The following UBE2E1 variants were observed in gnomAD, a reference collection of about 807,000 sequenced individuals.
UBE2E1 encodes the protein ubiquitin conjugating enzyme E2 E1.
In UBE2E1, 6 loss-of-function variants were observed where a neutral mutation model predicts 21.4. The observed-to-expected ratio is 0.28, with a 90% CI of 0.15 to 0.55. The LOEUF is 0.55. Ranked by LOEUF, UBE2E1 falls within the 20% of genes least tolerant of loss-of-function variation. The probability of loss-of-function intolerance (pLI) is 0.93; values close to 1 mark genes in which losing one functional copy is unlikely to be tolerated. For synonymous variants in UBE2E1, 87 were observed against 82.7 expected (o/e 1.05, Z -0.28); for missense variants, 142 against 236.5 (o/e 0.60, Z 2.62).
intron 4 of UBE2E1, 84 bp from the exon 5 acceptor site, chr3:23,889,028 C>A: frequency 1.4e-6 from 2 of 1,393,304 alleles, no homozygotes; most frequent in Non-Finnish European, 1.9e-6. Context: ...TGCTTTTAGT[C>A]ACCTTCTTAA....
At position 23,889,214 on chromosome 3, in the gene UBE2E1, A is replaced by G; in HGVS notation, c.439A>G (p.Lys147Glu). The change falls in exon 5 of 6, where the codon AAA becomes GAA. Residue 147 changes from lysine (K) to glutamate (E), a missense_variant. Lys to Glu is a moderately conservative substitution (Grantham distance 56). Around this residue, in one of 2 missense-constraint regions of UBE2E1, gnomAD observed 87 missense variants for 184.9 expected, o/e 0.47. Transcript: ENST00000306627. ...TTGGAGTCCAGCACTAACCATTTCTAAAGTCCTCCTTTCTATCTGCTCACT... is the reference window on the plus strand; with the variant it reads ...TTGGAGTCCAGCACTAACCATTTCTGAAGTCCTCCTTTCTATCTGCTCACT... ...DNWSPALTIS[K>E]VLLSICSLLT... 1 of 1,613,772 alleles carries G rather than the reference A, an allele frequency of 6.2e-7. No individual in the cohort carries two copies. The highest frequency in any genetic ancestry group is 8.5e-7 in the Non-Finnish European group (1 of 1,179,950).
In UBE2E1 at chr3:23,816,516, C is replaced by T. The variant is rs547812154; in HGVS notation, c.203+5006C>T. On this transcript the variant is annotated intron_variant, in intron 3 of 5. Coordinates refer to ENST00000306627, the MANE Select transcript of UBE2E1 (RefSeq NM_003341.5). The surrounding 1 kb of genome is among the most constrained non-coding windows in gnomAD (Gnocchi z 4.8). ...GGTCAGGAGATCGACACCATCGTGG[C>T]GAACACAGTGAAACCCCGTCTCTAC... Among the ~76,000 whole-genome samples the T allele has an allele frequency of 2.6e-5, 4 of 151,892 alleles. No individual in the cohort carries two copies. The highest frequency in any genetic ancestry group is 1.9e-4 in the East Asian group (1 of 5,164).
chr3:23,832,717 A>G (rs1198230157), intron 3 of UBE2E1, among the ~76,000 whole-genome samples: 1 of 152,194 alleles, frequency 6.6e-6, no homozygotes, highest in Non-Finnish European at 1.5e-5. Context: ...CCTGGACAAC[A>G]GAGCGAGACT....
At chr3:23,851,993 G>C (rs375203234) in intron 3 of UBE2E1, among the ~76,000 whole-genome samples, 1 of 152,054 alleles carries the variant, frequency 6.6e-6, no homozygotes, top group South Asian at 2.1e-4. Context: ...GTTCATGCAA[G>C]ATCTCATTGT....
rs4538321 is a variant in UBE2E1 at position 23,870,102 on chromosome 3, C to T, written c.204-17465C>T. On this transcript the variant is annotated intron_variant, in intron 3 of 5. Transcript: ENST00000306627. The surrounding 1 kb of genome is among the most constrained non-coding windows in gnomAD (Gnocchi z 4.2). ...GTTTTCCACCTGGGCTGGGAAGGCC[C>T]ACAGCTGAGGGCTGTAACACCTTGG... 0.54 allele frequency among the ~76,000 whole-genome samples: 82,258 copies of T among 151,816 alleles called. 22,550 individuals are homozygous for T. Among genetic ancestry groups the T allele is most frequent in the Middle Eastern group, 0.63 (186 of 294 alleles).
intron 3 of UBE2E1, among the ~76,000 whole-genome samples, chr3:23,869,888 C>G (rs1398622582): frequency 6.6e-6 from 1 of 152,110 alleles, no homozygotes; most frequent in East Asian, 1.9e-4. Context: ...GGGGAGTGTT[C>G]CAGTTATTTA....
At chr3:23,807,742 A>G (rs767058837) in intron 2 of UBE2E1, 2 of 209,182 alleles carry the variant, frequency 9.6e-6, no homozygotes, top group Non-Finnish European at 1.9e-5. Context: ...GACCTTCCCC[A>G]AGGCCATGAT....
At chr3:23,819,210 G>C (rs1338811441) in intron 3 of UBE2E1, among the ~76,000 whole-genome samples, 1 of 152,124 alleles carries the variant, frequency 6.6e-6, no homozygotes, top group Non-Finnish European at 1.5e-5. Flanking sequence ...CTTGAACCCG[G>C]GAGACAGGGG....
At position 23,810,023 on chromosome 3, in the gene UBE2E1, T is replaced by A. The variant is rs1297868718; in HGVS notation, c.153-1437T>A. 6.6e-6 allele frequency among the ~76,000 whole-genome samples: 1 copy of A among 152,170 alleles called. No individual in the cohort carries two copies. The highest frequency in any genetic ancestry group is 6.5e-5 in the Admixed American group (1 of 15,268). On this transcript the variant is annotated intron_variant, in intron 2 of 5. Transcript: ENST00000306627. This position sits in a 1 kb window ranked among gnomAD's most constrained non-coding sequence, Gnocchi z 5.8. ...CTCCAGTAGGAAGGTTTATAGAACCTCCCCCAGTCGTCGTCCTTAAAACCT... is the reference window on the plus strand; with the variant it reads ...CTCCAGTAGGAAGGTTTATAGAACCACCCCCAGTCGTCGTCCTTAAAACCT...
At chr3:23,827,156 A>G (rs1699775650) in intron 3 of UBE2E1, among the ~76,000 whole-genome samples, 1 of 152,186 alleles carries the variant, frequency 6.6e-6, no homozygotes, top group Non-Finnish European at 1.5e-5. Context: ...ATTTGCTCAA[A>G]GGGAAAAACC....
chr3:23,865,102 ATAGCT>A (rs1273666963), intron 3 of UBE2E1, among the ~76,000 whole-genome samples: 1 of 152,230 alleles, frequency 6.6e-6, no homozygotes, highest in Non-Finnish European at 1.5e-5. Flanking sequence ...GAATCCAGGC[ATAGCT>A]TAGCTGAGCC....
At chr3:23,879,134 T>G (rs1440832669) in intron 3 of UBE2E1, 1 of 602,764 alleles carries the variant, frequency 1.7e-6, no homozygotes, top group African/African-American at 1.9e-5. Flanking sequence ...ACTGCTTGGT[T>G]TTCTATATCC....
chr3:23,839,134 C>G (rs950627297), intron 3 of UBE2E1, among the ~76,000 whole-genome samples: 4 of 152,022 alleles, frequency 2.6e-5, no homozygotes, highest in Non-Finnish European at 5.9e-5. Context: ...TATATTGTTA[C>G]TATTTTTGCT....
chr3:23,832,721 C>A (rs1212280989), intron 3 of UBE2E1, among the ~76,000 whole-genome samples: 1 of 152,016 alleles, frequency 6.6e-6, no homozygotes, highest in Non-Finnish European at 1.5e-5. Context: ...GACAACAGAG[C>A]GAGACTTTGT....
At chr3:23,864,512 A>C (rs1220110000) in intron 3 of UBE2E1, among the ~76,000 whole-genome samples, 1 of 151,910 alleles carries the variant, frequency 6.6e-6, no homozygotes, top group Non-Finnish European at 1.5e-5. Flanking sequence ...TTTATCTTTT[A>C]TTGAGTTTTT....
intron 3 of UBE2E1, among the ~76,000 whole-genome samples, chr3:23,845,245 G>A (rs1700170790): frequency 6.6e-6 from 1 of 152,174 alleles, no homozygotes; most frequent in Admixed American, 6.6e-5. Context: ...TTAATGGACA[G>A]GATATTTTCT....
At chr3:23,824,927 A>G (rs1007204731) in intron 3 of UBE2E1, among the ~76,000 whole-genome samples, 2 of 152,182 alleles carry the variant, frequency 1.3e-5, no homozygotes, top group African/African-American at 2.4e-5. Context: ...TTCAAGGAGG[A>G]GATAAGATTT....
At chr3:23,815,410 GA>G (rs1359327096) in intron 3 of UBE2E1, among the ~76,000 whole-genome samples, 1 of 152,090 alleles carries the variant, frequency 6.6e-6, no homozygotes, top group Non-Finnish European at 1.5e-5. Flanking sequence ...GCATGTTTTT[GA>G]AAAATTCAAA....
chr3:23,879,008 G>A, intron 3 of UBE2E1: 1 of 493,092 alleles, frequency 2.0e-6, no homozygotes, highest in Non-Finnish European at 4.1e-6. Flanking sequence ...TGATTGCACA[G>A]GTAAGCTGCA....
Sources: gnomAD v4.1 joint callset for allele counts (sites outside exome capture counted in the v4.1 genomes callset) on GRCh38, gnomAD v4.1.1 for gene constraint, gnomAD v4.1.1 regional missense constraint, Gnocchi (gnomAD v3.1) non-coding constraint, MANE v1.5 for transcripts, NCBI Gene and HGNC (gene_info 2026-07-23, HGNC 2026-07-21) for gene names.